ZNF787: variants seen among roughly 807,000 people sequenced by gnomAD.
ZNF787 encodes the protein TTF-I-interacting peptide 20.
A neutral mutation model predicts 16.9 loss-of-function variants in ZNF787; 7 were observed. The ratio of observed to expected loss-of-function variants is 0.42; its 90% confidence interval spans 0.24 to 0.78. The LOEUF (loss-of-function observed/expected upper bound fraction) is 0.78, where lower values mean the gene tolerates loss of function less well. Ranked by LOEUF, ZNF787 falls within the 30% of genes least tolerant of loss-of-function variation. The pLI is 0.30. For missense variants in ZNF787, 551 were observed against 589.3 expected (o/e 0.94, Z 0.67); for synonymous variants, 345 against 270.9 (o/e 1.27, Z -2.69).
At chr19:56,090,553 G>GGCTC (rs1417020056) in intron 2 of ZNF787, among the ~76,000 whole-genome samples, 10 of 152,136 alleles carry the variant, frequency 6.6e-5, no homozygotes, top group African/African-American at 2.4e-4. Flanking sequence ...CCGGAGCGGT[G>GGCTC]GCTCACGCCT....
rs1985437031 is a variant in ZNF787, at chr19:56,088,486, G to A, written c.686C>T (p.Ala229Val). ...RAKGPEEAVA[A>V]DGEIAIPVGD... Reference sequence around the variant, plus strand: ...CACGGGGATGGCGATCTCGCCGTCCGCCGCCACCGCCTCTTCGGGCCCCTT... The same window carrying A: ...CACGGGGATGGCGATCTCGCCGTCCACCGCCACCGCCTCTTCGGGCCCCTT... The change falls in exon 3 of 3, where the codon GCG becomes GTG. Residue 229 changes from alanine (A) to valine (V), a missense_variant. Ala to Val is a moderately conservative substitution (Grantham distance 64). Transcript: ENST00000610935. The surrounding 1 kb of genome is among the most constrained non-coding windows in gnomAD (Gnocchi z 8.6). The A allele has an allele frequency of 8.9e-6, 12 of 1,350,350 alleles. No individual in the cohort carries two copies. The highest frequency in any genetic ancestry group is 3.8e-5 in the Admixed American group (1 of 26,002). 83.6% of individuals were successfully genotyped at this position (1,350,350 alleles called of 1,614,324 possible). A position where few individuals can be genotyped will look rare whatever the true frequency, so the allele number is the denominator to read the frequency against.
At chr19:56,094,210 TTTTCAGTAGAGGCAAGG>T (rs1985780266) in intron 2 of ZNF787, among the ~76,000 whole-genome samples, 1 of 130,548 alleles carries the variant, frequency 7.7e-6, no homozygotes, top group Admixed American at 7.4e-5. Context: ...TTTTTTTTCA[TTTTCAGTAGAGGCAAGG>T]TTTCATGTTG....
In ZNF787 at chr19:56,103,128, T is replaced by C; in HGVS notation, c.79+11A>G. On this transcript the variant is annotated intron_variant, in intron 2 of 2. Transcript: ENST00000610935. ...CAGCGGGGTCGGCTGGGAAGGCCTCTGGCTGCTCACCTGGGTTCTCGTGAC... is the reference window on the plus strand; with the variant it reads ...CAGCGGGGTCGGCTGGGAAGGCCTCCGGCTGCTCACCTGGGTTCTCGTGAC... 2 of 1,612,254 alleles carry C rather than the reference T, an allele frequency of 1.2e-6. No homozygotes were observed. The highest frequency in any genetic ancestry group is 1.7e-6 in the Non-Finnish European group (2 of 1,178,778).
rs112734334 is a variant in ZNF787, at chr19:56,113,777, T to C, written c.-11+7395A>G. ...GAAGAACAGGTTCTAAAATCGACTG[T>C]GGTGATGGCTGCGTAAATCAGTGAA... On this transcript the variant is annotated intron_variant, in intron 1 of 2. Transcript: ENST00000610935. Among the ~76,000 whole-genome samples the C allele has an allele frequency of 2.3e-3, 346 of 152,290 alleles. 1 individual carries two copies. Among genetic ancestry groups the C allele is most frequent in the African/African-American group, 7.0e-3 (291 of 41,558 alleles).
At chr19:56,094,247 G>C (rs1056861538) in intron 2 of ZNF787, among the ~76,000 whole-genome samples, 1 of 146,576 alleles carries the variant, frequency 6.8e-6, no homozygotes, top group African/African-American at 2.5e-5. Flanking sequence ...GGCCAGGCTG[G>C]TCTTGAACCT....
rs1248577053 is a variant in ZNF787 at position 56,103,182 on chromosome 19, C to T, written c.36G>A (p.Pro12=). The part of the protein sequence containing the change: ...ELREEAWSPG[P]LDSEDQQMAS... The stretch of plus-strand genomic sequence containing the variant: ...CCATCTGCTGGTCCTCAGAATCCAG[C>T]GGCCCCGGAGACCAGGCTTCTTCCC... Residue 12 remains proline (P), a synonymous_variant, in exon 2 of 3, where the codon CCG becomes CCA. Coordinates refer to ENST00000610935, the MANE Select transcript of ZNF787 (RefSeq NM_001002836.4). The T allele has an allele frequency of 1.7e-5, 27 of 1,581,776 alleles. No homozygotes were observed. Among genetic ancestry groups the T allele is most frequent in the Admixed American group, 3.6e-5 (2 of 56,198 alleles).
chr19:56,096,419 C>CA (rs1213197644), intron 2 of ZNF787, among the ~76,000 whole-genome samples: 1 of 146,654 alleles, frequency 6.8e-6, no homozygotes, highest in Non-Finnish European at 1.5e-5. Context: ...ACCCTGTCTC[C>CA]AAAAAATAAA....
Position 56,087,925 on chromosome 19 carries a change from G to C in ZNF787, c.*98C>G, listed in dbSNP as rs1460899613. 4.7e-6 allele frequency: 6 copies of C among 1,283,920 alleles called. No homozygotes were observed. In the South Asian group the frequency reaches 8.5e-5, roughly 18 times the overall value. The allele number at this position is 1,283,920 out of a possible 1,614,324, so 79.5% of individuals were successfully genotyped here. A position where few individuals can be genotyped will look rare whatever the true frequency, so the allele number is the denominator to read the frequency against. On this transcript the variant is annotated 3_prime_UTR_variant, in exon 3 of 3. Transcript: ENST00000610935. ...AGCCGGGGATGCCGCGGGGTCCATC[G>C]CACCCCGTCCGCTTCTCCCTGGGTC...
chr19:56,097,715 C>T (rs527935988), intron 2 of ZNF787, among the ~76,000 whole-genome samples: 64 of 152,358 alleles, frequency 4.2e-4, no homozygotes, highest in South Asian at 2.1e-4. Flanking sequence ...CAACTACCCC[C>T]GGCCCTGACG....
At chr19:56,098,707 A>G (rs78772566) in intron 2 of ZNF787, among the ~76,000 whole-genome samples, 168 of 5,516 alleles carry the variant, frequency 0.03, no homozygotes, top group Non-Finnish European at 0.066. Context: ...TACGGCCACC[A>G]GGTGATTACG....
chr19:56,103,002 G>C (rs1599949615), intron 2 of ZNF787, 137 bp downstream of exon 2: 1 of 880,118 alleles, frequency 1.1e-6, no homozygotes, highest in South Asian at 1.4e-5. Context: ...GGGCGGGAGG[G>C]GAGGCCAGGG....
chr19:56,092,004 GCCAAAGCCGAAA>G (rs1393944646), intron 2 of ZNF787, among the ~76,000 whole-genome samples: 29 of 132,454 alleles, frequency 2.2e-4, no homozygotes, highest in African/African-American at 7.7e-4. Flanking sequence ...CCAAACGGAA[GCCAAAGCCGAAA>G]CCGAAGCCGA....
intron 2 of ZNF787, among the ~76,000 whole-genome samples, chr19:56,092,621 A>C (rs1985664083): frequency 6.6e-6 from 1 of 151,018 alleles, no homozygotes; most frequent in Non-Finnish European, 1.5e-5. Flanking sequence ...TTTCTTTGTG[A>C]CATCTGCACC....
rs1225530934 is a variant in ZNF787 at position 56,087,927 on chromosome 19, A to C, written c.*96T>G. The C allele has an allele frequency of 4.7e-6, 6 of 1,283,026 alleles. No individual in the cohort carries two copies. Among genetic ancestry groups the C allele is most frequent in the Non-Finnish European group, 4.9e-6 (5 of 1,016,980 alleles). The allele number at this position is 1,283,026 out of a possible 1,614,324, so 79.5% of individuals were successfully genotyped here. ...CCGGGGATGCCGCGGGGTCCATCGC[A>C]CCCCGTCCGCTTCTCCCTGGGTCTC... On this transcript the variant is annotated 3_prime_UTR_variant, in exon 3 of 3. Transcript: ENST00000610935.
intron 2 of ZNF787, among the ~76,000 whole-genome samples, chr19:56,098,374 CAGA>C (rs879423884): frequency 1.3e-5 from 2 of 152,252 alleles, no homozygotes; most frequent in Admixed American, 6.5e-5. Flanking sequence ...TCACACTCCT[CAGA>C]AGGAGAGGCC....
intron 2 of ZNF787, among the ~76,000 whole-genome samples, chr19:56,093,289 G>A (rs1449270812): frequency 2.0e-5 from 3 of 151,870 alleles, no homozygotes; most frequent in Non-Finnish European, 4.4e-5. Context: ...GGCGAAAGTG[G>A]GATATTCCAT....
chr19:56,120,144 C>T (rs1340091187), intron 1 of ZNF787, among the ~76,000 whole-genome samples: 2 of 152,218 alleles, frequency 1.3e-5, no homozygotes. Flanking sequence ...GCCTTCCACC[C>T]AGACTCCAAG....
chr19:56,120,915 C>T (rs1216191629), intron 1 of ZNF787, among the ~76,000 whole-genome samples: 12 of 140,676 alleles, frequency 8.5e-5, no homozygotes, highest in African/African-American at 3.1e-4. Context: ...CGCACCCCCC[C>T]TCCAGCCCCG....
At chr19:56,102,948 C>A in intron 2 of ZNF787, 191 bp downstream of exon 2, 2 of 719,292 alleles carry the variant, frequency 2.8e-6, no homozygotes, top group Non-Finnish European at 5.0e-6. Flanking sequence ...AAACTTGGAG[C>A]CACAACACTA....
Sources: gnomAD v4.1 joint callset for allele counts (sites outside exome capture counted in the v4.1 genomes callset) on GRCh38, gnomAD v4.1.1 for gene constraint, Gnocchi (gnomAD v3.1) non-coding constraint, MANE v1.5 for transcripts, NCBI Gene and HGNC (gene_info 2026-07-23, HGNC 2026-07-21) for gene names.